The following PPP6R3 variants were observed in gnomAD, a reference collection of about 807,000 sequenced individuals.
The protein encoded by PPP6R3 is serine/threonine-protein phosphatase 6 regulatory subunit 3.
PPP6R3 carries 38 observed loss-of-function variants against 110.7 expected under a neutral mutation model. That is an observed-to-expected ratio of 0.34 (90% CI 0.26 to 0.45). PPP6R3 has a LOEUF of 0.45. Among genes scored for constraint, PPP6R3 ranks in the 20% least tolerant of loss-of-function variants. The probability of loss-of-function intolerance (pLI) is 1.00; values close to 1 mark genes in which losing one functional copy is unlikely to be tolerated. For synonymous variants in PPP6R3, 369 were observed against 373.5 expected (o/e 0.99, Z 0.14); for missense variants, 870 against 1,062.4 (o/e 0.82, Z 2.52).
At chr11:68,571,220 A>C in intron 12 of PPP6R3, 116 bp downstream of exon 12, 1 of 1,302,478 alleles carries the variant, frequency 7.7e-7, no homozygotes, top group Non-Finnish European at 1.0e-6. Flanking sequence ...TGGCCATTTT[A>C]CAATTTAAAC....
At chr11:68,552,888 G>GAC (rs1463342172) in intron 6 of PPP6R3, among the ~76,000 whole-genome samples, 1 of 152,298 alleles carries the variant, frequency 6.6e-6, no homozygotes, top group East Asian at 1.9e-4. Context: ...TTTTGAGAAG[G>GAC]ACACTGCATT....
chr11:68,540,817 T>G (rs2099311219), intron 3 of PPP6R3, among the ~76,000 whole-genome samples: 1 of 152,242 alleles, frequency 6.6e-6, no homozygotes, highest in Admixed American at 6.5e-5. Flanking sequence ...ATGGCTCTGT[T>G]CCGCCTGGCT....
intron 13 of PPP6R3, among the ~76,000 whole-genome samples, chr11:68,575,099 T>G (rs752500165): frequency 6.6e-6 from 1 of 152,250 alleles, no homozygotes; most frequent in African/African-American, 2.4e-5. Context: ...AGCCTCTTCC[T>G]TGGGCCATTT....
chr11:68,508,782 GGTTGTGTGACAGGGTTA>G (rs1392568920), intron 1 of PPP6R3, among the ~76,000 whole-genome samples: 14 of 1,642 alleles, frequency 8.5e-3, no homozygotes, highest in Non-Finnish European at 0.026. Context: ...GACAGGGTTA[GGTTGTGTGACAGGGTTA>G]GGTTGTGTGA....
chr11:68,538,469 G>GT (rs1453012516), intron 3 of PPP6R3, among the ~76,000 whole-genome samples: 1 of 152,118 alleles, frequency 6.6e-6, no homozygotes, highest in Non-Finnish European at 1.5e-5. Context: ...AAGTATTGGG[G>GT]TTTCAGTTAA....
intron 1 of PPP6R3, among the ~76,000 whole-genome samples, chr11:68,465,114 TC>T (rs995651498): frequency 3.3e-5 from 5 of 152,184 alleles, no homozygotes; most frequent in Admixed American, 1.3e-4. Context: ...TCTCCTGACC[TC>T]AAGTGATCCG....
intron 1 of PPP6R3, among the ~76,000 whole-genome samples, chr11:68,463,200 C>G (rs1294216377): frequency 6.6e-6 from 1 of 151,792 alleles, no homozygotes; most frequent in African/African-American, 2.4e-5. Context: ...GAAACCTTGT[C>G]TCTATTAAAA....
At chr11:68,558,526 A>C (rs748095480) in intron 7 of PPP6R3, 40 bp from the exon 8 acceptor site, 40 of 1,321,030 alleles carry the variant, frequency 3.0e-5, no homozygotes, top group Middle Eastern at 3.7e-4. Context: ...GTTGGTGATA[A>C]GTGATACTGC....
intron 1 of PPP6R3, among the ~76,000 whole-genome samples, chr11:68,490,780 T>C (rs1477615126): frequency 6.6e-6 from 1 of 152,220 alleles, no homozygotes; most frequent in African/African-American, 2.4e-5. Flanking sequence ...TGTCTTTTTC[T>C]CTAGCATTTC....
chr11:68,578,960 A>T (rs1044217124), intron 14 of PPP6R3, among the ~76,000 whole-genome samples: 1 of 152,246 alleles, frequency 6.6e-6, no homozygotes, highest in Non-Finnish European at 1.5e-5. Flanking sequence ...AACATAGGAC[A>T]TGTTTTTGTA....
chr11:68,466,636 G>A (rs546462099), intron 1 of PPP6R3, among the ~76,000 whole-genome samples: 13 of 149,062 alleles, frequency 8.7e-5, no homozygotes, highest in African/African-American at 2.7e-4. Flanking sequence ...ATTTTGAGAC[G>A]GAGTCTCACA....
At chr11:68,527,983 T>C (rs1010232155) in intron 2 of PPP6R3, among the ~76,000 whole-genome samples, 1 of 152,236 alleles carries the variant, frequency 6.6e-6, no homozygotes, top group Non-Finnish European at 1.5e-5. Flanking sequence ...AGGCTTGATA[T>C]ATAATGAGGC....
intron 14 of PPP6R3, among the ~76,000 whole-genome samples, chr11:68,579,214 G>A (rs2099543714): frequency 6.6e-6 from 1 of 152,104 alleles, no homozygotes; most frequent in South Asian, 2.1e-4. Context: ...TCCTCAGTGG[G>A]ACCATACTTT....
At chr11:68,528,906 A>C (rs750482282) in intron 2 of PPP6R3, among the ~76,000 whole-genome samples, 10 of 152,220 alleles carry the variant, frequency 6.6e-5, no homozygotes, top group Non-Finnish European at 1.2e-4. Flanking sequence ...ACACTGCATC[A>C]GTAGATGAGC....
intron 7 of PPP6R3, among the ~76,000 whole-genome samples, chr11:68,557,436 G>A (rs1301808958): frequency 2.0e-5 from 3 of 152,254 alleles, no homozygotes; most frequent in African/African-American, 7.2e-5. Flanking sequence ...GGGATGAGGT[G>A]TCAGGTGAGC....
intron 16 of PPP6R3, among the ~76,000 whole-genome samples, chr11:68,588,497 G>T (rs1382915841): frequency 6.6e-6 from 1 of 151,904 alleles, no homozygotes; most frequent in African/African-American, 2.4e-5. Context: ...TCATTCTGTT[G>T]CCCCGGCTGG....
chr11:68,548,642 G>C (rs992964415), intron 5 of PPP6R3, among the ~76,000 whole-genome samples: 3 of 152,108 alleles, frequency 2.0e-5, no homozygotes, highest in African/African-American at 7.2e-5. Flanking sequence ...ATGTATCCAG[G>C]GATTCAGGCT....
At chr11:68,519,128 T>C (rs190106341) in intron 1 of PPP6R3, among the ~76,000 whole-genome samples, 57 of 152,274 alleles carry the variant, frequency 3.7e-4, no homozygotes, top group African/African-American at 1.3e-3. Context: ...AATTGTAAAA[T>C]TTTAGTATTT....
intron 22 of PPP6R3, 76 bp from the exon 23 acceptor site, chr11:68,609,828 C>A: frequency 1.2e-6 from 2 of 1,601,372 alleles, no homozygotes; most frequent in South Asian, 1.1e-5. Context: ...GAGCCATCTG[C>A]ATGTGACCTC....
Sources: allele counts gnomAD v4.1 joint callset (sites outside exome capture counted in the v4.1 genomes callset), GRCh38; gene constraint gnomAD v4.1.1; transcripts MANE v1.5; gene names NCBI Gene and HGNC (gene_info 2026-07-23, HGNC 2026-07-21).